NACC2: variants seen among roughly 807,000 people sequenced by gnomAD.
NACC2 encodes the protein NACC family member 2, also known as nucleus accumbens-associated protein 2.
Under a neutral mutation model 25.1 loss-of-function variants are expected in NACC2, and 8 were observed. The observed-to-expected ratio is 0.32, with a 90% confidence interval of 0.19 to 0.57. The LOEUF (loss-of-function observed/expected upper bound fraction) is 0.57, where lower values mean the gene tolerates loss of function less well. NACC2 is among the 20% of genes least tolerant of loss of function. NACC2 has a pLI of 0.89. For missense variants in NACC2, 644 were observed against 650.2 expected, an observed-to-expected ratio of 0.99 and a Z score of 0.10; for synonymous variants, 435 against 294.7, an observed-to-expected ratio of 1.48 and a Z score of -4.88.
intron 1 of NACC2, among the ~76,000 whole-genome samples, chr9:136,057,695 G>A (rs969291697): frequency 6.6e-5 from 10 of 152,300 alleles, no homozygotes; most frequent in East Asian, 5.8e-4. Flanking sequence ...GCACCGGCTC[G>A]GCCGGGTGGA....
chr9:136,080,783 G>C (rs1830314603), intron 1 of NACC2, among the ~76,000 whole-genome samples: 1 of 152,212 alleles, frequency 6.6e-6, no homozygotes. Flanking sequence ...CCCCAGCGGA[G>C]TCACTGCAGA....
rs1469248998 is a variant in NACC2 at position 136,007,522 on chromosome 9, G to GACGCGC, written c.*3993_*3994insGCGCGT. On this transcript the variant is annotated 3_prime_UTR_variant, in exon 6 of 6. Transcript: ENST00000277554. ...ACACATGCACAGACGCGCACACACA[G>GACGCGC]ACGCACAGACGTGCACACACAGACA... 4 of 43,608 alleles carry GACGCGC rather than the reference G, an allele frequency of 9.2e-5. No homozygotes were observed. Among genetic ancestry groups the GACGCGC allele is most frequent in the Non-Finnish European group, 2.3e-4 (3 of 13,194 alleles). The allele number at this position is 43,608 out of a possible 1,614,324, so 2.7% of individuals were successfully genotyped here.
Position 136,050,419 on chromosome 9 carries a change from C to T in NACC2, c.103G>A (p.Val35Met), listed in dbSNP as rs1194472881. 5 of 765,540 alleles carry T rather than the reference C, an allele frequency of 6.5e-6. No individual in the cohort carries two copies. In the Admixed American group the frequency reaches 8.5e-5, roughly 13 times the overall value. The allele number at this position is 765,540 out of a possible 1,614,324, so 47.4% of individuals were successfully genotyped here. The part of the protein sequence containing the change: ...LLGLYCDVSI[V>M]VKGQAFKAHR... ...GCCTTGAAGGCCTGGCCCTTGACCA[C>T]GATGGACACATCGCAGTAGAGGCCC... The change falls in exon 2 of 6, where the codon GTG (valine) becomes ATG (methionine). Residue 35 changes from valine to methionine, a missense_variant. Val to Met is a conservative substitution (Grantham distance 21). Coordinates refer to ENST00000277554, the MANE Select transcript of NACC2 (RefSeq NM_144653.5).
In NACC2 at chr9:136,086,922, G is replaced by A. The variant is rs530114717; in HGVS notation, c.-60+8267C>T. On this transcript the variant is annotated intron_variant, in intron 1 of 5. Coordinates refer to ENST00000277554, the MANE Select transcript of NACC2 (RefSeq NM_144653.5). This position sits in a 1 kb window ranked among gnomAD's most constrained non-coding sequence, Gnocchi z 5.6. Reference sequence around the variant, plus strand: ...CTGCCCCTCCCACACCACACCGGGGGTTCGCATCTACCTGACCCTTTGAAT... The same window carrying A: ...CTGCCCCTCCCACACCACACCGGGGATTCGCATCTACCTGACCCTTTGAAT... Among the ~76,000 whole-genome samples the A allele has an allele frequency of 3.3e-5, 5 of 152,344 alleles. No individual in the cohort carries two copies. The highest frequency in any genetic ancestry group is 6.5e-5 in the Admixed American group (1 of 15,308).
chr9:136,092,066 C>T (rs1036512944), intron 1 of NACC2, among the ~76,000 whole-genome samples: 16 of 152,166 alleles, frequency 1.1e-4, no homozygotes, highest in Non-Finnish European at 2.4e-4. Context: ...TCAGGGAGGC[C>T]GGTGTGGGGG....
rs1251102393 is a variant in NACC2, at chr9:136,008,192, C to T, written c.*3324G>A. ...GGGTGGACAGACACAATGCGGAAAACAAGACAGAATTCAAGTACCGAGGCA... is the reference window on the plus strand; with the variant it reads ...GGGTGGACAGACACAATGCGGAAAATAAGACAGAATTCAAGTACCGAGGCA... On this transcript the variant is annotated 3_prime_UTR_variant, in exon 6 of 6. Transcript: ENST00000277554. 2 of 152,352 alleles carry T rather than the reference C, an allele frequency of 1.3e-5. No individual in the cohort carries two copies. The highest frequency in any genetic ancestry group is 4.8e-5 in the African/African-American group (2 of 41,454). The allele number at this position is 152,352 out of a possible 1,614,324, so 9.4% of individuals were successfully genotyped here.
rs1205342977 is a variant in NACC2, at chr9:136,077,400, A to ACAC, written c.-60+17788_-60+17789insGTG. ...TGGCAAAACAAACAAACAAACAACA[A>ACAC]AAACCCTAACAGGGCACAAAGGACA... On this transcript the variant is annotated intron_variant, in intron 1 of 5. Coordinates refer to ENST00000277554, the MANE Select transcript of NACC2 (RefSeq NM_144653.5). Among the ~76,000 whole-genome samples, 14 of 152,326 alleles carry ACAC rather than the reference A, an allele frequency of 9.2e-5. No individual in the cohort carries two copies. In the East Asian group the frequency reaches 2.7e-3, roughly 29 times the overall value.
At chr9:136,021,362 G>T (rs555247810) in intron 2 of NACC2, among the ~76,000 whole-genome samples, 40 of 152,184 alleles carry the variant, frequency 2.6e-4, no homozygotes, top group African/African-American at 9.7e-4. Context: ...TAAAAACACC[G>T]ACGCCAAGTG....
chr9:136,024,582 G>C (rs1463985156), intron 2 of NACC2, among the ~76,000 whole-genome samples: 4 of 151,988 alleles, frequency 2.6e-5, no homozygotes, highest in Admixed American at 6.6e-5. Flanking sequence ...GTGTGTGTAA[G>C]GACAGAGTGT....
chr9:136,026,641 T>G (rs1020782748), intron 2 of NACC2, among the ~76,000 whole-genome samples: 1 of 152,182 alleles, frequency 6.6e-6, no homozygotes, highest in Non-Finnish European at 1.5e-5. Context: ...AACACAATGA[T>G]GTAAAATGAC....
chr9:136,011,767 T>C lies in NACC2; in HGVS notation c.1513A>G (p.Thr505Ala). The change falls in exon 6 of 6, where the codon ACC (threonine) becomes GCC (alanine). Residue 505 changes from threonine to alanine, a missense_variant. Thr to Ala is a moderately conservative substitution (Grantham distance 58). Coordinates refer to ENST00000277554, the MANE Select transcript of NACC2 (RefSeq NM_144653.5). ...GCGTCAGTTCTCAGAGCCACGATGG[T>C]GGCGGCGTCGCCCCGCCGCTCGGCG... ...IYAERRGDAA[T>A]IVALRTDAVN... 6.5e-7 allele frequency: 1 copy of C among 1,536,142 alleles called. No homozygotes were observed. Among genetic ancestry groups the C allele is most frequent in the African/African-American group, 1.4e-5 (1 of 71,962 alleles).
intron 1 of NACC2, among the ~76,000 whole-genome samples, chr9:136,062,665 A>G (rs10776871): frequency 0.28 from 42,784 of 152,182 alleles, 6,901 homozygotes; most frequent in Non-Finnish European, 0.36. Flanking sequence ...CTGTAATCCC[A>G]ACATTTTGGG....
chr9:136,060,252 C>T (rs1840988907), intron 1 of NACC2, among the ~76,000 whole-genome samples: 2 of 152,332 alleles, frequency 1.3e-5, no homozygotes, highest in South Asian at 4.1e-4. Context: ...TCTTTTGCAA[C>T]ACCGAAGAAT....
intron 1 of NACC2, among the ~76,000 whole-genome samples, chr9:136,085,574 A>G (rs1272908072): frequency 6.6e-6 from 1 of 151,616 alleles, no homozygotes; most frequent in Non-Finnish European, 1.5e-5. Flanking sequence ...TCTGCACTGG[A>G]TCTGCTGGTG....
intron 2 of NACC2, 101 bp from the exon 3 acceptor site, chr9:136,016,530 C>A (rs770538755): frequency 5.0e-6 from 7 of 1,398,788 alleles, no homozygotes; most frequent in Non-Finnish European, 6.9e-6. Context: ...CTGTGTTAGA[C>A]CCACTCTGCC....
chr9:136,024,410 GTGT>G (rs1428258748), intron 2 of NACC2, among the ~76,000 whole-genome samples: 1 of 146,374 alleles, frequency 6.8e-6, no homozygotes, highest in Non-Finnish European at 1.5e-5. Context: ...AGGACAGAGT[GTGT>G]GTGTGTGAGG....
intron 2 of NACC2, among the ~76,000 whole-genome samples, chr9:136,044,413 G>T (rs1840688442): frequency 6.6e-6 from 1 of 152,140 alleles, no homozygotes; most frequent in Admixed American, 6.5e-5. Context: ...TCCTCGGAAG[G>T]CCTGAGTTGC....
Position 136,018,788 on chromosome 9 carries a change from T to G in NACC2, c.887-2359A>C, listed in dbSNP as rs1840241687. Among the ~76,000 whole-genome samples the G allele has an allele frequency of 6.6e-6, 1 of 152,014 alleles. No homozygotes were observed. The highest frequency in any genetic ancestry group is 1.9e-4 in the East Asian group (1 of 5,180). ...ACAGCAAAACAACCCGGGTGGTATTTTAAAACATAATTACACACCCCCACC... is the reference window on the plus strand; with the variant it reads ...ACAGCAAAACAACCCGGGTGGTATTGTAAAACATAATTACACACCCCCACC... On this transcript the variant is annotated intron_variant, in intron 2 of 5. Coordinates refer to ENST00000277554, the MANE Select transcript of NACC2 (RefSeq NM_144653.5). The surrounding 1 kb of genome is among the most constrained non-coding windows in gnomAD (Gnocchi z 4.4).
intron 1 of NACC2, among the ~76,000 whole-genome samples, chr9:136,053,789 C>T (rs1236844736): frequency 1.3e-5 from 2 of 152,226 alleles, no homozygotes; most frequent in African/African-American, 4.8e-5. Context: ...CATACAGGGG[C>T]TTTTGTACCA....
Sources: gnomAD v4.1 joint callset for allele counts (sites outside exome capture counted in the v4.1 genomes callset) on GRCh38, gnomAD v4.1.1 for gene constraint, Gnocchi (gnomAD v3.1) non-coding constraint, MANE v1.5 for transcripts, NCBI Gene and HGNC (gene_info 2026-07-23, HGNC 2026-07-21) for gene names.